FER: variants seen among roughly 807,000 people sequenced by gnomAD.
The protein encoded by FER is FER tyrosine kinase, also known as tyrosine-protein kinase Fer.
In FER, 63 loss-of-function variants were observed where a neutral mutation model predicts 111.0. That is an observed-to-expected ratio of 0.57 (90% CI 0.46 to 0.70). The LOEUF (loss-of-function observed/expected upper bound fraction) is 0.70. Among genes scored for constraint, FER ranks in the 30% least tolerant of loss-of-function variants. The probability of loss-of-function intolerance (pLI) is 0.00; values close to 1 mark genes in which losing one functional copy is unlikely to be tolerated. For missense variants in FER, 914 were observed against 954.0 expected (o/e 0.96, Z 0.55); for synonymous variants, 327 against 313.9 (o/e 1.04, Z -0.44).
intron 1 of FER, among the ~76,000 whole-genome samples, chr5:108,757,012 T>C (rs1751193209): frequency 6.6e-6 from 1 of 152,232 alleles, no homozygotes; most frequent in African/African-American, 2.4e-5. Flanking sequence ...ATGTTCTTTT[T>C]GTGATCTGGA....
At chr5:108,820,383 G>A (rs1450629368) in intron 3 of FER, 1 of 985,280 alleles carries the variant, frequency 1.0e-6, no homozygotes, top group Non-Finnish European at 1.2e-6. Flanking sequence ...ATTTACTTCT[G>A]AAGAATAAAG....
At chr5:109,079,788 G>T (rs936258924) in intron 16 of FER, among the ~76,000 whole-genome samples, 4 of 152,120 alleles carry the variant, frequency 2.6e-5, no homozygotes, top group African/African-American at 9.6e-5. Context: ...ACCTTTCCCT[G>T]CTTAAACTGC....
chr5:109,163,554 C>T (rs535663573), intron 17 of FER, among the ~76,000 whole-genome samples: 3 of 152,154 alleles, frequency 2.0e-5, no homozygotes, highest in East Asian at 1.9e-4. Context: ...CACTTGTTAC[C>T]GTCAGTCTTG....
intron 10 of FER, among the ~76,000 whole-genome samples, chr5:108,931,962 T>TTG (rs571366890): frequency 0.034 from 5,096 of 150,780 alleles, 115 homozygotes; most frequent in African/African-American, 0.077. Flanking sequence ...ATCTTAAATT[T>TTG]TGTGTGTGTG....
chr5:108,785,203 G>A lies in FER; in HGVS notation c.-59-12921G>A, dbSNP rs531101790. On this transcript the variant is annotated intron_variant, in intron 2 of 19. Coordinates refer to ENST00000281092, the MANE Select transcript of FER (RefSeq NM_005246.4). ...CAGGTTATCTGAACACTGTGACTAT[G>A]TCTCCAAATGGATCCCTCTGTGCAT... The A allele has an allele frequency of 7.0e-5, 42 of 600,448 alleles. No homozygotes were observed. The South Asian group carries it at 8.1e-4, about 12-fold the overall frequency. The allele number at this position is 600,448 out of a possible 1,614,324, so 37.2% of individuals were successfully genotyped here.
chr5:108,972,971 A>G (rs1760866331), intron 13 of FER, among the ~76,000 whole-genome samples: 1 of 152,180 alleles, frequency 6.6e-6, no homozygotes, highest in Non-Finnish European at 1.5e-5. Flanking sequence ...TTGAGTACAG[A>G]TAGAAAACAT....
intron 16 of FER, among the ~76,000 whole-genome samples, chr5:109,093,899 T>C (rs1747142057): frequency 6.6e-6 from 1 of 152,182 alleles, no homozygotes; most frequent in Admixed American, 6.6e-5. Context: ...ATATTATACA[T>C]CTGACTTTCC....
At chr5:108,804,321 A>G (rs1012321977) in intron 3 of FER, among the ~76,000 whole-genome samples, 3 of 151,768 alleles carry the variant, frequency 2.0e-5, no homozygotes, top group African/African-American at 7.3e-5. Flanking sequence ...GGTGCCTTTT[A>G]TTTTTTTCTC....
At chr5:109,037,341 C>T (rs1198281905) in intron 13 of FER, 81 bp from the exon 14 acceptor site, 7 of 1,163,758 alleles carry the variant, frequency 6.0e-6, no homozygotes, top group Admixed American at 1.8e-5. Context: ...CCCTTTAGGT[C>T]GACTTTCCAC....
chr5:109,106,366 T>C (rs781742390), intron 17 of FER, among the ~76,000 whole-genome samples: 1 of 152,212 alleles, frequency 6.6e-6, no homozygotes, highest in Non-Finnish European at 1.5e-5. Flanking sequence ...TTTTCATTTT[T>C]ATATACTGTT....
intron 10 of FER, among the ~76,000 whole-genome samples, chr5:108,929,206 C>A (rs1754213660): frequency 6.6e-6 from 1 of 151,948 alleles, no homozygotes; most frequent in Non-Finnish European, 1.5e-5. Context: ...TAAAAACAGA[C>A]TGTTTGTTTT....
At chr5:108,805,058 A>G (rs1396980944) in intron 3 of FER, among the ~76,000 whole-genome samples, 1 of 151,570 alleles carries the variant, frequency 6.6e-6, no homozygotes, top group African/African-American at 2.4e-5. Context: ...CTTCCTTGAT[A>G]TGGTTCGGCT....
At chr5:108,802,835 T>A (rs1173184638) in intron 3 of FER, among the ~76,000 whole-genome samples, 1 of 152,182 alleles carries the variant, frequency 6.6e-6, no homozygotes, top group Non-Finnish European at 1.5e-5. Context: ...TAGAACTATT[T>A]ATTTTCTTTT....
At chr5:109,187,047 T>C (rs543414843) in intron 19 of FER, among the ~76,000 whole-genome samples, 279 of 152,108 alleles carry the variant, frequency 1.8e-3, no homozygotes, top group Non-Finnish European at 2.7e-3. Flanking sequence ...TATAAAATCC[T>C]CATATTGAAT....
At chr5:108,892,707 A>G (rs1159005042) in intron 9 of FER, among the ~76,000 whole-genome samples, 2 of 152,078 alleles carry the variant, frequency 1.3e-5, no homozygotes, top group Non-Finnish European at 2.9e-5. Flanking sequence ...TTTTGTTGCC[A>G]TTTCTTTTGG....
intron 17 of FER, among the ~76,000 whole-genome samples, chr5:109,146,253 A>AATATATATATATATATATAT (rs6149172): frequency 6.6e-4 from 28 of 42,116 alleles, no homozygotes; most frequent in Non-Finnish European, 7.2e-4. Flanking sequence ...TAATCTATCT[A>AATATATATATATATATATAT]ATATATATAT....
intron 17 of FER, among the ~76,000 whole-genome samples, chr5:109,159,339 C>T (rs534998649): frequency 6.6e-6 from 1 of 152,146 alleles, no homozygotes; most frequent in Non-Finnish European, 1.5e-5. Flanking sequence ...TTTACCTTTT[C>T]TATCACATAT....
intron 1 of FER, among the ~76,000 whole-genome samples, chr5:108,762,804 T>C (rs1751908485): frequency 6.6e-6 from 1 of 152,196 alleles, no homozygotes; most frequent in African/African-American, 2.4e-5. Flanking sequence ...GTTCTCTGCT[T>C]AGAATGCCCT....
At chr5:108,896,137 C>T (rs1749057248) in intron 9 of FER, among the ~76,000 whole-genome samples, 3 of 151,272 alleles carry the variant, frequency 2.0e-5, no homozygotes, top group African/African-American at 7.3e-5. Context: ...TAAATTATTT[C>T]TTATATTGTT....
Sources: allele counts gnomAD v4.1 joint callset (sites outside exome capture counted in the v4.1 genomes callset), GRCh38; gene constraint gnomAD v4.1.1; transcripts MANE v1.5; gene names NCBI Gene and HGNC (gene_info 2026-07-23, HGNC 2026-07-21).